Variants in KANSL1 observed in about 807,000 individuals in gnomAD.
The protein encoded by KANSL1 is MLL1/MLL complex subunit KANSL1.
KANSL1 carries 22 observed loss-of-function variants against 103.6 expected under a neutral mutation model. The observed-to-expected ratio is 0.21, with a 90% CI of 0.15 to 0.30. The LOEUF (loss-of-function observed/expected upper bound fraction) is 0.30. Among genes scored for constraint, KANSL1 ranks in the 10% least tolerant of loss-of-function variants. The pLI is 1.00. For missense variants in KANSL1, 1,337 were observed against 1,399.8 expected (o/e 0.96, Z 0.72); for synonymous variants, 600 against 527.6 (o/e 1.14, Z -1.88).
chr17:46,056,998 C>A (rs907259319), intron 6 of KANSL1, among the ~76,000 whole-genome samples: 3 of 152,096 alleles, frequency 2.0e-5, no homozygotes, highest in African/African-American at 7.2e-5. Context: ...TCACTGAGAA[C>A]CATGAGGTTC....
chr17:46,048,338 C>T (rs12150336), intron 7 of KANSL1, among the ~76,000 whole-genome samples: 21,741 of 151,776 alleles, frequency 0.14, 2,130 homozygotes, highest in Non-Finnish European at 0.22. Context: ...GAGGCCGAGG[C>T]GGGTGGATCA....
chr17:46,101,810 A>G (rs1212066359), intron 2 of KANSL1, among the ~76,000 whole-genome samples: 1 of 150,464 alleles, frequency 6.6e-6, no homozygotes, highest in African/African-American at 2.4e-5. Context: ...ATAACCATGG[A>G]TTTAAATTCC....
intron 2 of KANSL1, among the ~76,000 whole-genome samples, chr17:46,142,188 T>C (rs1244202905): frequency 6.6e-6 from 1 of 152,252 alleles, no homozygotes; most frequent in Non-Finnish European, 1.5e-5. Flanking sequence ...TCTACTATTT[T>C]AGGTTGAGAA....
At chr17:46,193,713 G>C (rs1201548059), upstream of KANSL1, 1 of 263,596 alleles carries the variant, frequency 3.8e-6, no homozygotes, top group East Asian at 1.8e-4. Context: ...TGCGGCAGGG[G>C]GAAGCCAGCC....
intron 1 of KANSL1, among the ~76,000 whole-genome samples, chr17:46,185,519 C>T (rs1385032337): frequency 6.6e-6 from 1 of 152,064 alleles, no homozygotes; most frequent in Non-Finnish European, 1.5e-5. Context: ...AACTGCACTT[C>T]TAGAAATCTA....
chr17:46,039,325 A>G, intron 8 of KANSL1, 110 bp from the exon 9 acceptor site: 1 of 1,003,976 alleles, frequency 1.0e-6, no homozygotes, highest in Non-Finnish European at 1.4e-6. Flanking sequence ...TACCCAGGGC[A>G]GCAGGACAGT....
chr17:46,047,424 A>G (rs1047132952), intron 7 of KANSL1, among the ~76,000 whole-genome samples: 1 of 152,246 alleles, frequency 6.6e-6, no homozygotes, highest in African/African-American at 2.4e-5. Context: ...AGGGTTGAGC[A>G]GTTGTGACAT....
At chr17:46,184,524 T>G (rs2046929193) in intron 1 of KANSL1, among the ~76,000 whole-genome samples, 1 of 152,230 alleles carries the variant, frequency 6.6e-6, no homozygotes, top group Admixed American at 6.5e-5. Flanking sequence ...AGAGTAAGGA[T>G]GAGTCCAAAT....
At chr17:46,164,289 C>G (rs544517560) in intron 2 of KANSL1, among the ~76,000 whole-genome samples, 1 of 152,212 alleles carries the variant, frequency 6.6e-6, no homozygotes, top group Non-Finnish European at 1.5e-5. Context: ...TTCCTGATGC[C>G]TAAGTTCCTT....
chr17:46,080,630 T>C (rs1263187143), intron 4 of KANSL1, among the ~76,000 whole-genome samples: 4 of 152,144 alleles, frequency 2.6e-5, no homozygotes, highest in Non-Finnish European at 5.9e-5. Flanking sequence ...TTTAAGTCAA[T>C]AGCTTTTAAG....
chr17:46,084,918 T>C (rs17660065), intron 3 of KANSL1, among the ~76,000 whole-genome samples: 21,795 of 152,180 alleles, frequency 0.14, 2,128 homozygotes, highest in Non-Finnish European at 0.22. Flanking sequence ...CAAAAGACAG[T>C]TATCTTGTAC....
intron 2 of KANSL1, among the ~76,000 whole-genome samples, chr17:46,116,363 T>C (rs2043047781): frequency 6.6e-6 from 1 of 152,062 alleles, no homozygotes. Flanking sequence ...ACCCCGTCTC[T>C]ACTAAAAACA....
intron 6 of KANSL1, among the ~76,000 whole-genome samples, chr17:46,059,647 A>AGAGGGAGAGAGAGAG (rs149985527): frequency 1.8e-5 from 1 of 54,830 alleles, no homozygotes; most frequent in African/African-American, 6.7e-5. Context: ...AAAAAAAAAA[A>AGAGGGAGAGAGAGAG]AGAGAGAGAG....
chr17:46,155,905 C>A (rs547037826), intron 2 of KANSL1, among the ~76,000 whole-genome samples: 8 of 152,196 alleles, frequency 5.3e-5, no homozygotes, highest in Non-Finnish European at 8.8e-5. Context: ...TGCACCCCAA[C>A]CTGGGTGATA....
At chr17:46,102,251 C>T (rs184340645) in intron 2 of KANSL1, among the ~76,000 whole-genome samples, 6 of 151,932 alleles carry the variant, frequency 3.9e-5, no homozygotes, top group Admixed American at 2.6e-4. Context: ...TGTACCAGAG[C>T]CAATACTTTT....
chr17:46,090,326 A>AT (rs1169681214), intron 3 of KANSL1, among the ~76,000 whole-genome samples: 4 of 152,202 alleles, frequency 2.6e-5, no homozygotes, highest in Admixed American at 2.6e-4. Flanking sequence ...CACATTTCTG[A>AT]TTTTTTAAGC....
At chr17:46,123,946 A>G (rs2043398336) in intron 2 of KANSL1, among the ~76,000 whole-genome samples, 1 of 152,216 alleles carries the variant, frequency 6.6e-6, no homozygotes, top group Non-Finnish European at 1.5e-5. Flanking sequence ...TTTTGTGGCT[A>G]GAGAGTAGAA....
intron 2 of KANSL1, among the ~76,000 whole-genome samples, chr17:46,137,846 G>A (rs921552702): frequency 2.7e-5 from 4 of 146,796 alleles, no homozygotes; most frequent in Non-Finnish European, 4.4e-5. Flanking sequence ...AGGTCTGGGC[G>A]ACACAGCGAG....
chr17:46,213,637 C>G (rs983346473), intron 1 of KANSL1, among the ~76,000 whole-genome samples: 5 of 149,048 alleles, frequency 3.4e-5, no homozygotes, highest in Admixed American at 3.3e-4. Context: ...AGGAACTAGG[C>G]GGGGTGCAGT....
Sources: gnomAD v4.1 joint callset for allele counts (sites outside exome capture counted in the v4.1 genomes callset) on GRCh38, gnomAD v4.1.1 for gene constraint, MANE v1.5 for transcripts, NCBI Gene and HGNC (gene_info 2026-07-23, HGNC 2026-07-21) for gene names.